The following UBE2D3 variants were observed in gnomAD, a reference collection of about 807,000 sequenced individuals.
The protein encoded by UBE2D3 is ubiquitin-conjugating enzyme E2 D3.
UBE2D3 carries 2 observed loss-of-function variants against 22.8 expected under a neutral mutation model. That is an observed-to-expected ratio of 0.09 (90% CI 0.04 to 0.28). The LOEUF (loss-of-function observed/expected upper bound fraction) is 0.28, where lower values mean the gene tolerates loss of function less well. UBE2D3 is among the 10% of genes least tolerant of loss of function. The probability of loss-of-function intolerance (pLI) is 1.00; values close to 1 mark genes in which losing one functional copy is unlikely to be tolerated. For synonymous variants in UBE2D3, 56 were observed against 60.4 expected, an observed-to-expected ratio of 0.93 and a Z score of 0.34; for missense variants, 27 against 182.5, an observed-to-expected ratio of 0.15 and a Z score of 4.91.
intron 4 of UBE2D3, among the ~76,000 whole-genome samples, chr4:102,804,089 C>A (rs1726631314): frequency 6.6e-6 from 1 of 152,022 alleles, no homozygotes. Context: ...TAAAGTGAGT[C>A]CTTCTCCATC....
intron 7 of UBE2D3, 114 bp downstream of exon 7, chr4:102,799,293 T>C (rs1007427684): frequency 3.8e-5 from 31 of 818,338 alleles, no homozygotes; most frequent in African/African-American, 3.7e-4. Flanking sequence ...GCTTTCTCCA[T>C]ATTTTAACTA....
chr4:102,858,382 T>G (rs1225073274), intron 1 of UBE2D3, among the ~76,000 whole-genome samples: 1 of 151,930 alleles, frequency 6.6e-6, no homozygotes, highest in Non-Finnish European at 1.5e-5. Context: ...TTAAGGCTTC[T>G]TGTATAACGG....
chr4:102,802,585 T>C lies in UBE2D3; in HGVS notation c.174A>G (p.Thr58=), dbSNP rs1370615897. Reference sequence around the variant, plus strand: ...CCTTAGGTGGTTTGAAGGGGTAGTCTGTAGGAAAATGAATTGTCAAAAAGA... The same window carrying C: ...CCTTAGGTGGTTTGAAGGGGTAGTCCGTAGGAAAATGAATTGTCAAAAAGA... The part of the protein sequence containing the change: ...GVFFLTIHFP[T]DYPFKPPKVA... Residue 58 remains threonine, a synonymous_variant, in exon 5 of 8, where the codon ACA becomes ACG. Transcript: ENST00000453744. 6.8e-6 allele frequency: 11 copies of C among 1,608,348 alleles called. No homozygotes were observed. The highest frequency in any genetic ancestry group is 1.3e-5 in the African/African-American group (1 of 74,724).
intron 1 of UBE2D3, among the ~76,000 whole-genome samples, chr4:102,863,189 T>C: frequency 6.6e-6 from 1 of 152,060 alleles, no homozygotes. Context: ...TAGCTGGGAT[T>C]ACAGGTGTGT....
At chr4:102,801,325 T>C (rs1726121096) in intron 6 of UBE2D3, 129 bp downstream of exon 6, 4 of 753,852 alleles carry the variant, frequency 5.3e-6, no homozygotes, top group Non-Finnish European at 8.2e-6. Context: ...ACAAAAATTA[T>C]AAAAGTAACT....
chr4:102,804,948 GTGT>G (rs1164172232), intron 4 of UBE2D3, among the ~76,000 whole-genome samples: 1 of 152,184 alleles, frequency 6.6e-6, no homozygotes, highest in South Asian at 2.1e-4. Flanking sequence ...GCCTCCCAAA[GTGT>G]TGGGATTACA....
intron 2 of UBE2D3, among the ~76,000 whole-genome samples, chr4:102,816,765 A>G (rs1014376588): frequency 3.0e-4 from 46 of 152,348 alleles, no homozygotes; most frequent in African/African-American, 1.1e-3. Context: ...ATCCATTTCT[A>G]AAATGAAAAT....
intron 4 of UBE2D3, among the ~76,000 whole-genome samples, chr4:102,806,965 T>C (rs1013639643): frequency 6.6e-6 from 1 of 152,164 alleles, no homozygotes; most frequent in African/African-American, 2.4e-5. Flanking sequence ...CCAGTACATA[T>C]GATTATTAAA....
At position 102,795,697 on chromosome 4, in the gene UBE2D3, T is replaced by G. The variant is rs770131217; in HGVS notation, c.*1718A>C. 1 of 152,086 alleles carries G rather than the reference T, an allele frequency of 6.6e-6. No homozygotes were observed. The highest frequency in any genetic ancestry group is 1.5e-5 in the Non-Finnish European group (1 of 67,938). The allele number at this position is 152,086 out of a possible 1,614,324, so 9.4% of individuals were successfully genotyped here. On this transcript the variant is annotated 3_prime_UTR_variant, in exon 8 of 8. Coordinates refer to ENST00000453744, the MANE Select transcript of UBE2D3 (RefSeq NM_181891.3). Reference sequence around the variant, plus strand: ...ATGTCCAAACTACATATTAAAATGTTTATAAAAAGTAAGTTTTAACATTTA... The same window carrying G: ...ATGTCCAAACTACATATTAAAATGTGTATAAAAAGTAAGTTTTAACATTTA...
At chr4:102,855,332 G>C (rs1424220505) in intron 1 of UBE2D3, among the ~76,000 whole-genome samples, 1 of 152,182 alleles carries the variant, frequency 6.6e-6, no homozygotes. Context: ...CACCTGAGGA[G>C]TATGATCACT....
At chr4:102,814,168 T>C (rs1296130361) in intron 2 of UBE2D3, among the ~76,000 whole-genome samples, 1 of 152,150 alleles carries the variant, frequency 6.6e-6, no homozygotes, top group Admixed American at 6.5e-5. Flanking sequence ...AGTTCAACAA[T>C]CTGTAAAAGA....
At chr4:102,852,370 A>G (rs964553193) in intron 1 of UBE2D3, among the ~76,000 whole-genome samples, 7 of 152,248 alleles carry the variant, frequency 4.6e-5, no homozygotes, top group African/African-American at 1.7e-4. Flanking sequence ...AAGCAAACCT[A>G]TAATCCCAAG....
At chr4:102,826,671 A>G in intron 1 of UBE2D3, 35 bp from the exon 2 acceptor site, 1 of 1,514,174 alleles carries the variant, frequency 6.6e-7, no homozygotes, top group South Asian at 1.3e-5. Flanking sequence ...GCACTCGCAC[A>G]GGCCCCGAAG....
At chr4:102,845,811 A>C (rs1224540124) in intron 1 of UBE2D3, among the ~76,000 whole-genome samples, 1 of 152,044 alleles carries the variant, frequency 6.6e-6, no homozygotes, top group African/African-American at 2.4e-5. Context: ...ATGTTTTTTG[A>C]GACAGAGTCT....
intron 1 of UBE2D3, chr4:102,843,458 C>G (rs1206545347): frequency 6.6e-6 from 1 of 152,158 alleles, no homozygotes; most frequent in Non-Finnish European, 1.5e-5. Flanking sequence ...TGGATGAACA[C>G]AGGAGCAGTG....
At chr4:102,866,102 AT>A (rs1383979044) in intron 1 of UBE2D3, among the ~76,000 whole-genome samples, 1 of 152,238 alleles carries the variant, frequency 6.6e-6, no homozygotes, top group Non-Finnish European at 1.5e-5. Flanking sequence ...AGTAAAGGGA[AT>A]TTAAGAAAAT....
intron 2 of UBE2D3, chr4:102,825,844 G>A (rs760765989): frequency 6.0e-5 from 27 of 449,676 alleles, no homozygotes; most frequent in Admixed American, 7.4e-5. Context: ...AATAGCTTCG[G>A]GTGAAAAGCT....
At chr4:102,856,589 T>C (rs775321116) in intron 1 of UBE2D3, among the ~76,000 whole-genome samples, 2 of 152,132 alleles carry the variant, frequency 1.3e-5, no homozygotes, top group East Asian at 1.9e-4. Flanking sequence ...AATCATAATA[T>C]TCGTATATGG....
At chr4:102,800,430 A>G (rs1409280769) in intron 6 of UBE2D3, among the ~76,000 whole-genome samples, 1 of 152,072 alleles carries the variant, frequency 6.6e-6, no homozygotes, top group African/African-American at 2.4e-5. Flanking sequence ...GGCTGCCAAA[A>G]AAGTAAGTTG....
Sources: gnomAD v4.1 joint callset for allele counts (sites outside exome capture counted in the v4.1 genomes callset) on GRCh38, gnomAD v4.1.1 for gene constraint, MANE v1.5 for transcripts, NCBI Gene and HGNC (gene_info 2026-07-23, HGNC 2026-07-21) for gene names.